The following ACACA variants were observed in gnomAD, a reference collection of about 807,000 sequenced individuals.
ACACA encodes acetyl-CoA carboxylase 1.
ACACA carries 103 observed loss-of-function variants against 296.1 expected under a neutral mutation model. The observed-to-expected ratio is 0.35, with a 90% CI of 0.30 to 0.41. The LOEUF is 0.41. Among genes scored for constraint, ACACA ranks in the 10% least tolerant of loss-of-function variants. ACACA has a pLI of 1.00. For synonymous variants in ACACA, 953 were observed against 1,038.6 expected, an observed-to-expected ratio of 0.92 and a Z score of 1.58; for missense variants, 1,554 against 2,989.7, an observed-to-expected ratio of 0.52 and a Z score of 11.20.
intron 3 of ACACA, among the ~76,000 whole-genome samples, chr17:37,295,209 C>G (rs778489811): frequency 6.6e-6 from 1 of 152,170 alleles, no homozygotes; most frequent in Non-Finnish European, 1.5e-5. Flanking sequence ...TTCAGAGTGG[C>G]CCCGGCCAGA....
intron 3 of ACACA, among the ~76,000 whole-genome samples, chr17:37,296,467 G>A (rs1482093529): frequency 2.0e-5 from 3 of 151,756 alleles, no homozygotes; most frequent in Admixed American, 6.6e-5. Flanking sequence ...CACCACGCCC[G>A]GCTAATTTTT....
intron 30 of ACACA, among the ~76,000 whole-genome samples, chr17:37,209,075 C>T (rs779196407): frequency 1.1e-4 from 16 of 152,288 alleles, no homozygotes; most frequent in Non-Finnish European, 2.4e-4. Context: ...ATTCCTTTGG[C>T]GAGTGATGAC....
At chr17:37,205,538 T>C (rs965601166) in intron 33 of ACACA, among the ~76,000 whole-genome samples, 1 of 152,116 alleles carries the variant, frequency 6.6e-6, no homozygotes, top group Non-Finnish European at 1.5e-5. Flanking sequence ...TAACTTCCCT[T>C]AAAAACATTT....
intron 3 of ACACA, among the ~76,000 whole-genome samples, chr17:37,296,964 G>A (rs1016051897): frequency 3.3e-5 from 5 of 151,064 alleles, no homozygotes; most frequent in African/African-American, 9.7e-5. Flanking sequence ...TGATCTGCCC[G>A]CCTCGGCCTC....
chr17:37,276,158 C>T, intron 7 of ACACA, 109 bp from the exon 8 acceptor site: 1 of 790,174 alleles, frequency 1.3e-6, no homozygotes, highest in Admixed American at 1.9e-5. Context: ...TGTCCTCCCC[C>T]CACCCCTCAC....
chr17:37,368,728 C>T (rs1013230878), intron 1 of ACACA: 5 of 152,202 alleles, frequency 3.3e-5, no homozygotes, highest in Non-Finnish European at 7.3e-5. Context: ...GTGGCCTGAG[C>T]TTCTGAGTAC....
intron 15 of ACACA, 61 bp downstream of exon 15, chr17:37,252,825 G>C (rs2081056360): frequency 6.3e-7 from 1 of 1,594,202 alleles, no homozygotes; most frequent in African/African-American, 1.3e-5. Flanking sequence ...TAGTGACAGG[G>C]ATTGAGTACA....
intron 22 of ACACA, among the ~76,000 whole-genome samples, chr17:37,242,842 T>C (rs1342125275): frequency 6.6e-6 from 1 of 152,120 alleles, no homozygotes; most frequent in Non-Finnish European, 1.5e-5. Flanking sequence ...ATCGAGACCA[T>C]CCTGGCCAAC....
intron 1 of ACACA, among the ~76,000 whole-genome samples, chr17:37,391,402 G>A (rs187530320): frequency 6.6e-6 from 1 of 152,306 alleles, no homozygotes; most frequent in Non-Finnish European, 1.5e-5. Flanking sequence ...GTTAGAAACA[G>A]AACTATGATC....
intron 38 of ACACA, among the ~76,000 whole-genome samples, chr17:37,189,144 C>G (rs1295885047): frequency 6.6e-6 from 1 of 152,164 alleles, no homozygotes; most frequent in African/African-American, 2.4e-5. Flanking sequence ...GCTTAATGCT[C>G]TTAGTTTTTA....
At chr17:37,142,719 A>G (rs2075643232) in intron 45 of ACACA, among the ~76,000 whole-genome samples, 1 of 152,236 alleles carries the variant, frequency 6.6e-6, no homozygotes, top group Non-Finnish European at 1.5e-5. Flanking sequence ...TTGTAGACAG[A>G]TGACTGACAT....
At chr17:37,217,911 A>G (rs1043344115) in intron 29 of ACACA, among the ~76,000 whole-genome samples, 11 of 150,812 alleles carry the variant, frequency 7.3e-5, no homozygotes, top group East Asian at 1.9e-4. Context: ...ATGGGAGGGG[A>G]AAAAAAAATT....
rs67821579 is a variant in ACACA, at chr17:37,185,402, C to CTTTTTTT, written c.4776+2868_4776+2874dup. On this transcript the variant is annotated intron_variant, in intron 39 of 55. Coordinates refer to ENST00000616317, the MANE Select transcript of ACACA (RefSeq NM_198834.3). Reference sequence around the variant, plus strand: ...TGCATGACACCATGCCTGGCTATTTCTTTTTTTTTTTTTTTTTTTTTTTTT... The same window carrying CTTTTTTT: ...TGCATGACACCATGCCTGGCTATTTCTTTTTTTTTTTTTTTTTTTTTTTTTTTTTTTT... Among the ~76,000 whole-genome samples the CTTTTTTT allele has an allele frequency of 3.4e-3, 163 of 48,426 alleles. 24 individuals are homozygous for CTTTTTTT. Among genetic ancestry groups the CTTTTTTT allele is most frequent in the African/African-American group, 0.01 (112 of 10,846 alleles). 31.8% of individuals were successfully genotyped at this position (48,426 alleles called of 152,430 possible).
At chr17:37,256,143 TCTC>T (rs960519872) in intron 14 of ACACA, among the ~76,000 whole-genome samples, 12 of 152,308 alleles carry the variant, frequency 7.9e-5, no homozygotes, top group African/African-American at 2.4e-4. Flanking sequence ...TTGATTTCAA[TCTC>T]CTGATTTTTT....
chr17:37,326,007 A>G (rs977886840), intron 3 of ACACA, among the ~76,000 whole-genome samples: 4 of 151,412 alleles, frequency 2.6e-5, no homozygotes, highest in African/African-American at 9.7e-5. Context: ...CAGGAGTTCA[A>G]GACCAGCCTG....
chr17:37,365,894 C>T (rs1714613), intron 1 of ACACA: 1 of 213,928 alleles, frequency 4.7e-6, no homozygotes, highest in East Asian at 1.8e-4. Flanking sequence ...CTTCCAGTCT[C>T]TATACTTCAG....
intron 25 of ACACA, among the ~76,000 whole-genome samples, chr17:37,228,439 A>G (rs2079660277): frequency 6.6e-6 from 1 of 152,132 alleles, no homozygotes. Context: ...GTTCTATTGA[A>G]CAGGTAGCAC....
chr17:37,246,151 G>A lies in ACACA; in HGVS notation c.2460+675C>T, dbSNP rs376322370. Among the ~76,000 whole-genome samples, 81 of 152,160 alleles carry A rather than the reference G, an allele frequency of 5.3e-4. No homozygotes were observed. In the Middle Eastern group the frequency reaches 0.01, roughly 19 times the overall value. On this transcript the variant is annotated intron_variant, in intron 19 of 55. Coordinates refer to ENST00000616317, the MANE Select transcript of ACACA (RefSeq NM_198834.3). ...TTCCCATACAAGCTTAGCTTGATTT[G>A]GGTTAGGTGACCCTCTGCACTCTAT...
intron 2 of ACACA, among the ~76,000 whole-genome samples, chr17:37,334,153 C>T (rs957502131): frequency 1.3e-5 from 2 of 152,046 alleles, no homozygotes; most frequent in African/African-American, 2.4e-5. Flanking sequence ...AAACCCACCT[C>T]GCATGGCCTG....
Sources: gnomAD v4.1 joint callset for allele counts (sites outside exome capture counted in the v4.1 genomes callset) on GRCh38, gnomAD v4.1.1 for gene constraint, MANE v1.5 for transcripts, NCBI Gene and HGNC (gene_info 2026-07-23, HGNC 2026-07-21) for gene names.